Variants in LYST observed in about 807,000 individuals in gnomAD.
LYST encodes lysosomal trafficking regulator, also known as lysosomal-trafficking regulator.
A neutral mutation model predicts 413.6 loss-of-function variants in LYST; 192 were observed. That is an observed-to-expected ratio of 0.46 (90% CI 0.41 to 0.52). The LOEUF (loss-of-function observed/expected upper bound fraction) is 0.52. LYST is among the 20% of genes least tolerant of loss of function. The pLI is 0.00. For missense variants in LYST, 3,815 were observed against 4,499.9 expected (o/e 0.85, Z 4.35); for synonymous variants, 1,525 against 1,567.3 (o/e 0.97, Z 0.64).
intron 29 of LYST, among the ~76,000 whole-genome samples, chr1:235,745,578 C>T (rs1294126235): frequency 2.0e-5 from 3 of 152,026 alleles, no homozygotes; most frequent in Non-Finnish European, 2.9e-5. Flanking sequence ...GGCACTTACC[C>T]CAGAAAAATA....
chr1:235,748,156 C>A (rs956500142), intron 28 of LYST, among the ~76,000 whole-genome samples: 2 of 152,080 alleles, frequency 1.3e-5, no homozygotes, highest in Non-Finnish European at 2.9e-5. Flanking sequence ...TTATTATTGG[C>A]TGAAATATAA....
intron 8 of LYST, among the ~76,000 whole-genome samples, chr1:235,802,415 C>T (rs1672346894): frequency 6.6e-6 from 1 of 152,184 alleles, no homozygotes; most frequent in Admixed American, 6.5e-5. Flanking sequence ...GAAATCTATG[C>T]TTGGCTGTCA....
rs11583387 is a variant in LYST, at chr1:235,791,850, G to A, written c.4392C>T (p.Asn1464=). 0.11 allele frequency: 170,105 copies of A among 1,614,028 alleles called. 9,627 individuals carry two copies. The highest frequency in any genetic ancestry group is 0.14 in the Middle Eastern group (827 of 6,062). The stretch of plus-strand genomic sequence containing the variant: ...AACCTTCTGATAGGTGTGGCCAGCA[G>A]TTTTGCCCCAGCAACGGCAGGTGGA... ...APVHLPLLGQ[N]CWPHLSEGFS... Residue 1464 remains asparagine (N), a synonymous_variant, in exon 12 of 53, where the codon AAC becomes AAT. Transcript: ENST00000389793.
intron 1 of LYST, 91 bp from the exon 2 acceptor site, chr1:235,833,758 G>C: frequency 5.8e-6 from 1 of 172,912 alleles, no homozygotes; most frequent in Non-Finnish European, 1.1e-5. Context: ...CTTCATACAT[G>C]ATGTATGAAA....
At chr1:235,838,687 T>C (rs1676843379) in intron 1 of LYST, among the ~76,000 whole-genome samples, 1 of 152,236 alleles carries the variant, frequency 6.6e-6, no homozygotes, top group African/African-American at 2.4e-5. Flanking sequence ...AGTTGAGCAA[T>C]GACATTAACA....
In LYST at chr1:235,685,565, G is replaced by A. The variant is rs371984694; in HGVS notation, c.10800+1384C>T. On this transcript the variant is annotated intron_variant, in intron 48 of 52. Coordinates refer to ENST00000389793, the MANE Select transcript of LYST (RefSeq NM_000081.4). ...AGCTTGGAAAAAAAAGTAAGAACCTGGCTGGGCACAGTGGCTCACACTTGT... is the reference window on the plus strand; with the variant it reads ...AGCTTGGAAAAAAAAGTAAGAACCTAGCTGGGCACAGTGGCTCACACTTGT... Among the ~76,000 whole-genome samples the A allele has an allele frequency of 6.6e-5, 10 of 152,236 alleles. No individual in the cohort carries two copies. The East Asian group carries it at 1.4e-3, about 21-fold the overall frequency.
intron 50 of LYST, among the ~76,000 whole-genome samples, chr1:235,669,246 G>A (rs1326079668): frequency 6.6e-6 from 1 of 152,190 alleles, no homozygotes; most frequent in Non-Finnish European, 1.5e-5. Context: ...GAAACTTCCA[G>A]ATACCCCCCA....
At chr1:235,758,845 A>G in intron 23 of LYST, 127 bp downstream of exon 23, 1 of 773,158 alleles carries the variant, frequency 1.3e-6, no homozygotes, top group East Asian at 2.7e-5. Flanking sequence ...TATTATGTAT[A>G]TAAAGAAATA....
chr1:235,804,730 A>C (rs1296515427), intron 6 of LYST, 65 bp from the exon 7 acceptor site: 1 of 922,678 alleles, frequency 1.1e-6, no homozygotes, highest in African/African-American at 1.7e-5. Flanking sequence ...TGATGAAAAA[A>C]TAAATAATAA....
chr1:235,760,825 G>A (rs1667506439), intron 22 of LYST, among the ~76,000 whole-genome samples: 1 of 152,184 alleles, frequency 6.6e-6, no homozygotes, highest in Admixed American at 6.5e-5. Flanking sequence ...TCTGGATTTG[G>A]GCTAGAGGGC....
chr1:235,816,462 A>AT (rs1286031188), intron 3 of LYST, among the ~76,000 whole-genome samples: 1 of 113,920 alleles, frequency 8.8e-6, no homozygotes, highest in Non-Finnish European at 1.8e-5. Flanking sequence ...ATAAATAAAA[A>AT]ATAAAAATAA....
chr1:235,813,083 C>A, intron 3 of LYST, 22 bp from the exon 4 acceptor site: 1 of 1,357,372 alleles, frequency 7.4e-7, no homozygotes, highest in Non-Finnish European at 1.1e-6. Flanking sequence ...ACAAAAGAAT[C>A]CTTCATGTTC....
intron 1 of LYST, among the ~76,000 whole-genome samples, chr1:235,857,723 A>G (rs1469143260): frequency 6.9e-6 from 1 of 145,360 alleles, no homozygotes; most frequent in East Asian, 2.1e-4. Flanking sequence ...ACACGTATAT[A>G]TACACAAACA....
chr1:235,881,008 C>T (rs569826880), intron 1 of LYST, among the ~76,000 whole-genome samples: 3 of 152,160 alleles, frequency 2.0e-5, no homozygotes, highest in South Asian at 4.1e-4. Flanking sequence ...TGCATGTAAT[C>T]CCAGCTACTC....
chr1:235,751,201 A>G lies in LYST; in HGVS notation c.7780+9T>C. ...TTTATGGTTATTAAAATATGATTTC[A>G]ATACTCGCCAGCAATGCTTTTCCGC... On this transcript the variant is annotated intron_variant, in intron 28 of 52. Transcript: ENST00000389793. 1 of 1,612,940 alleles carries G rather than the reference A, an allele frequency of 6.2e-7. No individual in the cohort carries two copies. Among genetic ancestry groups the G allele is most frequent in the Non-Finnish European group, 8.5e-7 (1 of 1,179,008 alleles).
At chr1:235,769,016 TAAAAC>T (rs111904968) in intron 20 of LYST, among the ~76,000 whole-genome samples, 5,867 of 152,110 alleles carry the variant, frequency 0.039, 373 homozygotes, top group African/African-American at 0.13. Context: ...CAGTGTGATT[TAAAAC>T]AAAACAAAAC....
In LYST at chr1:235,664,555, C is replaced by G. The variant is rs762256651; in HGVS notation, c.11105G>C (p.Arg3702Thr). ...NGDLVGHVHC[R>T]EIICSVAFSN... The stretch of plus-strand genomic sequence containing the variant: ...GAAAGCCACGGAACAGATGATCTCC[C>G]TGCAGTGGACATGTCCAACGAGATC... Residue 3702 changes from arginine to threonine, a missense_variant, in exon 51 of 53, where the codon AGG (arginine) becomes ACG (threonine). Arg to Thr is a moderately conservative substitution (Grantham distance 71). Transcript: ENST00000389793. The surrounding 1 kb of genome is among the most constrained non-coding windows in gnomAD (Gnocchi z 4.5). The G allele has an allele frequency of 6.2e-7, 1 of 1,614,152 alleles. No individual in the cohort carries two copies. Among genetic ancestry groups the G allele is most frequent in the South Asian group, 1.1e-5 (1 of 91,082 alleles).
At chr1:235,814,701 A>G (rs1432394211) in intron 3 of LYST, among the ~76,000 whole-genome samples, 2 of 152,184 alleles carry the variant, frequency 1.3e-5, no homozygotes, top group Non-Finnish European at 2.9e-5. Context: ...CTGAGGAGTC[A>G]AAGGAAGTGA....
chr1:235,691,699 C>T (rs72761800), intron 47 of LYST, among the ~76,000 whole-genome samples: 70,419 of 140,904 alleles, frequency 0.5, 18,663 homozygotes, highest in African/African-American at 0.61. Flanking sequence ...CAGATTCTCT[C>T]TTTTTTTTTT....
Sources: gnomAD v4.1 joint callset for allele counts (sites outside exome capture counted in the v4.1 genomes callset) on GRCh38, gnomAD v4.1.1 for gene constraint, Gnocchi (gnomAD v3.1) non-coding constraint, MANE v1.5 for transcripts, NCBI Gene and HGNC (gene_info 2026-07-23, HGNC 2026-07-21) for gene names.